The following SLC26A7 variants were observed in gnomAD, a reference collection of about 807,000 sequenced individuals.
SLC26A7 encodes the protein solute carrier family 26 member 7.
SLC26A7 carries 59 observed loss-of-function variants against 82.5 expected under a neutral mutation model. The ratio of observed to expected loss-of-function variants is 0.72; its 90% CI spans 0.58 to 0.89. The LOEUF (loss-of-function observed/expected upper bound fraction) is 0.89. Among genes scored for constraint, SLC26A7 ranks in the 40% least tolerant of loss-of-function variants. SLC26A7 has a pLI of 0.00. For missense variants in SLC26A7, 820 were observed against 793.0 expected, an observed-to-expected ratio of 1.03 and a Z score of -0.41; for synonymous variants, 271 against 274.3, an observed-to-expected ratio of 0.99 and a Z score of 0.12.
At chr8:91,243,320 G>C (rs1810498993) in intron 2 of SLC26A7, among the ~76,000 whole-genome samples, 1 of 152,056 alleles carries the variant, frequency 6.6e-6, no homozygotes, top group Non-Finnish European at 1.5e-5. Flanking sequence ...ATAAAACGAT[G>C]GTGTCAAGAT....
chr8:91,291,245 T>C (rs548739713), intron 3 of SLC26A7, among the ~76,000 whole-genome samples: 1 of 152,310 alleles, frequency 6.6e-6, no homozygotes, highest in African/African-American at 2.4e-5. Flanking sequence ...TCAGAAAGTT[T>C]CTGTGAGATC....
At chr8:91,291,303 A>C (rs551891113) in intron 3 of SLC26A7, among the ~76,000 whole-genome samples, 3 of 152,314 alleles carry the variant, frequency 2.0e-5, no homozygotes, top group South Asian at 4.1e-4. Flanking sequence ...GGTGCGACCA[A>C]ATCTAAAGCA....
chr8:91,373,731 G>A (rs568178543), intron 15 of SLC26A7, among the ~76,000 whole-genome samples: 116 of 152,010 alleles, frequency 7.6e-4, no homozygotes, highest in African/African-American at 2.5e-3. Flanking sequence ...GGATGACACT[G>A]GTTTCAAAGA....
At position 91,363,454 on chromosome 8, in the gene SLC26A7, T is replaced by A; in HGVS notation, c.1422-18T>A. The A allele has an allele frequency of 7.0e-7, 1 of 1,431,676 alleles. No individual in the cohort carries two copies. The highest frequency in any genetic ancestry group is 9.6e-7 in the Non-Finnish European group (1 of 1,039,350). 88.7% of individuals were successfully genotyped at this position (1,431,676 alleles called of 1,614,324 possible). On this transcript the variant is annotated intron_variant, in intron 12 of 18. Coordinates refer to ENST00000276609, the MANE Select transcript of SLC26A7 (RefSeq NM_052832.4). ...TTAGGAAATGACTTGTTTTATTTTC[T>A]ATCTGCTTTAATTTCAGAGCAATGA... is the stretch of plus-strand genomic sequence containing the variant.
chr8:91,328,178 A>AT (rs1434242257), intron 5 of SLC26A7, among the ~76,000 whole-genome samples: 1 of 152,016 alleles, frequency 6.6e-6, no homozygotes, highest in African/African-American at 2.4e-5. Context: ...TAAACTTTGG[A>AT]TTTTTCTTCC....
At chr8:91,277,921 T>A (rs1275712851) in intron 2 of SLC26A7, among the ~76,000 whole-genome samples, 2 of 151,856 alleles carry the variant, frequency 1.3e-5, no homozygotes, top group African/African-American at 2.4e-5. Flanking sequence ...CATTAGGGAG[T>A]GTAAACCAAG....
intron 2 of SLC26A7, among the ~76,000 whole-genome samples, chr8:91,225,970 G>A (rs1810233533): frequency 6.6e-6 from 1 of 152,022 alleles, no homozygotes; most frequent in Non-Finnish European, 1.5e-5. Context: ...CCTGCCTCTT[G>A]GAACTACATC....
At chr8:91,287,948 A>G (rs1328599487) in intron 2 of SLC26A7, among the ~76,000 whole-genome samples, 5 of 152,132 alleles carry the variant, frequency 3.3e-5, no homozygotes, top group Admixed American at 2.0e-4. Flanking sequence ...TCGTATTTTC[A>G]CCAGACTGTA....
intron 3 of SLC26A7, among the ~76,000 whole-genome samples, chr8:91,293,189 G>A (rs186940967): frequency 2.0e-5 from 3 of 152,216 alleles, no homozygotes; most frequent in Admixed American, 2.0e-4. Context: ...TTCGAACTTG[G>A]GTCTGTTTAA....
At chr8:91,357,970 A>G (rs1453464455) in intron 11 of SLC26A7, among the ~76,000 whole-genome samples, 4 of 152,262 alleles carry the variant, frequency 2.6e-5, no homozygotes, top group Admixed American at 6.5e-5. Flanking sequence ...GACACTTCTC[A>G]AAAGAAGACA....
intron 15 of SLC26A7, among the ~76,000 whole-genome samples, chr8:91,380,364 C>A (rs1395264793): frequency 3.3e-5 from 5 of 152,054 alleles, no homozygotes; most frequent in East Asian, 3.8e-4. Flanking sequence ...TTTATATACA[C>A]CCTATACACA....
At position 91,318,349 on chromosome 8, in the gene SLC26A7, C is replaced by T. The variant is rs747891059; in HGVS notation, c.611C>T (p.Pro204Leu). 1 of 1,610,330 alleles carries T rather than the reference C, an allele frequency of 6.2e-7. No individual in the cohort carries two copies. Among genetic ancestry groups the T allele is most frequent in the African/African-American group, 1.3e-5 (1 of 74,768 alleles). ...AAATATCTCTTGGGAATGAAAATGC[C>T]ATATATATCCGGACCACTTGGATTC... is the stretch of plus-strand genomic sequence containing the variant. ...QVKYLLGMKM[P>L]YISGPLGFFY... The change falls in exon 5 of 19, where the codon CCA (proline) becomes CTA (leucine). Residue 204 changes from proline (P) to leucine (L), a missense_variant. Transcript: ENST00000276609.
intron 8 of SLC26A7, 45 bp downstream of exon 8, chr8:91,340,596 C>T: frequency 1.2e-6 from 2 of 1,605,296 alleles, no homozygotes; most frequent in Non-Finnish European, 1.7e-6. Flanking sequence ...TGTATCATTG[C>T]ACTGTGCACT....
At chr8:91,212,980 T>C (rs777384026) in intron 1 of SLC26A7, among the ~76,000 whole-genome samples, 14 of 152,210 alleles carry the variant, frequency 9.2e-5, no homozygotes, top group Non-Finnish European at 2.1e-4. Context: ...AACTCTCCCT[T>C]TTGTTCTCAA....
chr8:91,279,063 A>G (rs1376288752), intron 2 of SLC26A7, among the ~76,000 whole-genome samples: 3 of 148,316 alleles, frequency 2.0e-5, no homozygotes, highest in African/African-American at 7.5e-5. Flanking sequence ...CTACAATGTC[A>G]CAAATGATAG....
At chr8:91,263,519 G>A (rs746373765) in intron 2 of SLC26A7, among the ~76,000 whole-genome samples, 1 of 152,086 alleles carries the variant, frequency 6.6e-6, no homozygotes, top group African/African-American at 2.4e-5. Flanking sequence ...CATCTTAAGA[G>A]AATGATAATT....
At chr8:91,270,288 A>C (rs1811233946) in intron 2 of SLC26A7, among the ~76,000 whole-genome samples, 1 of 152,132 alleles carries the variant, frequency 6.6e-6, no homozygotes, top group Non-Finnish European at 1.5e-5. Flanking sequence ...ATTCCTTTCC[A>C]TTCTGGGGAG....
chr8:91,241,409 A>G (rs950770873), intron 2 of SLC26A7, among the ~76,000 whole-genome samples: 22 of 152,268 alleles, frequency 1.4e-4, no homozygotes, highest in African/African-American at 5.3e-4. Context: ...ACACTTTTCT[A>G]TACTTTCTGA....
At chr8:91,315,714 T>C (rs1330036846) in intron 4 of SLC26A7, among the ~76,000 whole-genome samples, 4 of 152,232 alleles carry the variant, frequency 2.6e-5, no homozygotes, top group African/African-American at 9.6e-5. Flanking sequence ...CCTTCTTCAT[T>C]ACATTCTTTT....
Sources: gnomAD v4.1 joint callset for allele counts (sites outside exome capture counted in the v4.1 genomes callset) on GRCh38, gnomAD v4.1.1 for gene constraint, MANE v1.5 for transcripts, NCBI Gene and HGNC (gene_info 2026-07-23, HGNC 2026-07-21) for gene names.